Variants in XKR6 observed in about 807,000 individuals in gnomAD.
XKR6 encodes the protein XK-related protein 6.
Under a neutral mutation model 56.7 loss-of-function variants are expected in XKR6, and 22 were observed. The ratio of observed to expected loss-of-function variants is 0.39; its 90% confidence interval spans 0.28 to 0.55. XKR6 has a LOEUF of 0.55. Among genes scored for constraint, XKR6 ranks in the 20% least tolerant of loss-of-function variants. The pLI is 0.66. For missense variants in XKR6, 852 were observed against 889.0 expected (o/e 0.96, Z 0.53); for synonymous variants, 524 against 387.8 (o/e 1.35, Z -4.13).
At chr8:11,095,283 C>T (rs1163443417) in intron 1 of XKR6, among the ~76,000 whole-genome samples, 2 of 152,230 alleles carry the variant, frequency 1.3e-5, no homozygotes, top group African/African-American at 4.8e-5. Flanking sequence ...TGCTATATAT[C>T]AAACAGCAAT....
intron 1 of XKR6, among the ~76,000 whole-genome samples, chr8:10,992,883 C>T (rs1182026784): frequency 2.0e-5 from 3 of 152,156 alleles, no homozygotes; most frequent in African/African-American, 7.2e-5. Context: ...ACGAAGTTCC[C>T]GAATGGTGCT....
intron 1 of XKR6, among the ~76,000 whole-genome samples, chr8:10,953,425 C>A (rs1311868677): frequency 2.0e-5 from 3 of 152,140 alleles, no homozygotes; most frequent in Non-Finnish European, 1.5e-5. Context: ...GCTTCTGAGG[C>A]CTCCCTAGAA....
rs139209012 is a variant in XKR6 at position 10,961,128 on chromosome 8, G to A, written c.765-36298C>T. Among the ~76,000 whole-genome samples the A allele has an allele frequency of 2.7e-3, 413 of 152,260 alleles. 1 individual carries two copies. The highest frequency in any genetic ancestry group is 9.2e-3 in the African/African-American group (384 of 41,552). Reference sequence around the variant, plus strand: ...CATGAGGCAGAGAGAGGGTGGAGGGGAAGGCTGTGAGCGGATGAATCCCAG... The same window carrying A: ...CATGAGGCAGAGAGAGGGTGGAGGGAAAGGCTGTGAGCGGATGAATCCCAG... On this transcript the variant is annotated intron_variant, in intron 1 of 2. Transcript: ENST00000416569.
intron 1 of XKR6, among the ~76,000 whole-genome samples, chr8:10,975,291 G>A (rs34014031): frequency 0.18 from 27,005 of 152,204 alleles, 2,679 homozygotes; most frequent in Non-Finnish European, 0.22. Flanking sequence ...CCAGCCTTCA[G>A]GAGGCTTCGA....
intron 1 of XKR6, among the ~76,000 whole-genome samples, chr8:11,022,591 G>C (rs1798772121): frequency 1.3e-5 from 2 of 152,184 alleles, no homozygotes; most frequent in African/African-American, 4.8e-5. Context: ...GGCAGGAGCA[G>C]AGGAGAATGC....
At chr8:11,121,258 G>A (rs558876141) in intron 1 of XKR6, among the ~76,000 whole-genome samples, 129 of 152,168 alleles carry the variant, frequency 8.5e-4, no homozygotes, top group African/African-American at 2.5e-3. Context: ...GCAACCTACA[G>A]AATGGGAGAA....
chr8:11,068,633 G>A (rs995650567), intron 1 of XKR6, among the ~76,000 whole-genome samples: 1 of 152,162 alleles, frequency 6.6e-6, no homozygotes, highest in Non-Finnish European at 1.5e-5. Flanking sequence ...ACAGCTGTGT[G>A]GACATGGGCA....
chr8:11,037,923 A>G (rs1162678193), intron 1 of XKR6, among the ~76,000 whole-genome samples: 1 of 150,772 alleles, frequency 6.6e-6, no homozygotes, highest in Non-Finnish European at 1.5e-5. Flanking sequence ...GCTACTCGGG[A>G]GGCTGAGGCA....
intron 2 of XKR6, among the ~76,000 whole-genome samples, chr8:10,921,343 C>T (rs12544511): frequency 0.015 from 2,288 of 152,318 alleles, 61 homozygotes; most frequent in African/African-American, 0.05. Flanking sequence ...CCCATAAACT[C>T]CTGAAGGATA....
chr8:11,160,153 T>C (rs140656907), intron 1 of XKR6, among the ~76,000 whole-genome samples: 1 of 152,242 alleles, frequency 6.6e-6, no homozygotes, highest in East Asian at 1.9e-4. Flanking sequence ...GGACCACGTG[T>C]CTCAATTTCA....
chr8:11,117,991 C>T (rs956394814), intron 1 of XKR6, among the ~76,000 whole-genome samples: 3 of 152,158 alleles, frequency 2.0e-5, no homozygotes, highest in African/African-American at 7.2e-5. Flanking sequence ...TCCAAACAGA[C>T]CGTTAGGAGA....
chr8:11,189,500 ATTGT>A (rs1209278759), intron 1 of XKR6, among the ~76,000 whole-genome samples: 1 of 152,222 alleles, frequency 6.6e-6, no homozygotes, highest in African/African-American at 2.4e-5. Flanking sequence ...GTCCATTCAG[ATTGT>A]TTAAATACTG....
intron 1 of XKR6, among the ~76,000 whole-genome samples, chr8:11,156,401 C>A (rs576718427): frequency 6.6e-6 from 1 of 152,336 alleles, no homozygotes; most frequent in African/African-American, 2.4e-5. Flanking sequence ...CCTATTCTAT[C>A]TCCCCACCTG....
chr8:11,187,642 A>C (rs73665023), intron 1 of XKR6, among the ~76,000 whole-genome samples: 4,074 of 152,258 alleles, frequency 0.027, 189 homozygotes, highest in South Asian at 0.087. Flanking sequence ...AACAACCCTA[A>C]GAAAAATCAG....
chr8:11,031,304 C>T (rs543778425), intron 1 of XKR6, among the ~76,000 whole-genome samples: 16 of 152,354 alleles, frequency 1.1e-4, no homozygotes, highest in South Asian at 4.1e-4. Flanking sequence ...AGTGACCCAA[C>T]GGCTCAGCTG....
intron 2 of XKR6, among the ~76,000 whole-genome samples, chr8:10,901,628 A>C (rs755408997): frequency 1.3e-5 from 2 of 152,174 alleles, no homozygotes; most frequent in African/African-American, 2.4e-5. Context: ...GACCCATAGT[A>C]ATCAGATGGG....
At chr8:10,937,923 C>T (rs1801266355) in intron 1 of XKR6, among the ~76,000 whole-genome samples, 1 of 151,624 alleles carries the variant, frequency 6.6e-6, no homozygotes, top group Non-Finnish European at 1.5e-5. Flanking sequence ...CTGTGGTGGG[C>T]TCCACCCAGT....
intron 1 of XKR6, among the ~76,000 whole-genome samples, chr8:11,005,361 G>GATATATATATATATAT (rs1050511719): frequency 2.7e-5 from 4 of 148,784 alleles, no homozygotes; most frequent in African/African-American, 1.0e-4. Flanking sequence ...GACTGTAGTA[G>GATATATATATATATAT]ATATAGATAT....
intron 1 of XKR6, among the ~76,000 whole-genome samples, chr8:10,952,651 C>G (rs1416241699): frequency 6.6e-6 from 1 of 152,156 alleles, no homozygotes; most frequent in Admixed American, 6.5e-5. Flanking sequence ...GACGGTTATA[C>G]AGTTTGAATG....
Sources: gnomAD v4.1 joint callset for allele counts (sites outside exome capture counted in the v4.1 genomes callset) on GRCh38, gnomAD v4.1.1 for gene constraint, MANE v1.5 for transcripts, NCBI Gene and HGNC (gene_info 2026-07-23, HGNC 2026-07-21) for gene names.